NRXN3: variants seen among roughly 807,000 people sequenced by gnomAD.
The protein encoded by NRXN3 is neurexin 3.
NRXN3 carries 32 observed loss-of-function variants against 137.6 expected under a neutral mutation model. That is an observed-to-expected ratio of 0.23 (90% CI 0.18 to 0.31). The LOEUF (loss-of-function observed/expected upper bound fraction) is 0.31. NRXN3 is among the 10% of genes least tolerant of loss of function. The pLI, the probability that NRXN3 is intolerant of heterozygous loss-of-function variation, is 1.00. For missense variants in NRXN3, 1,574 were observed against 2,062.5 expected (o/e 0.76, Z 4.59); for synonymous variants, 798 against 784.5 (o/e 1.02, Z -0.29).
At chr14:79,290,696 T>C (rs942735946) in intron 15 of NRXN3, among the ~76,000 whole-genome samples, 7 of 150,776 alleles carry the variant, frequency 4.6e-5, no homozygotes, top group Non-Finnish European at 7.4e-5. Context: ...GCCACCACGC[T>C]GGTTGAAAAT....
At chr14:78,566,480 C>T (rs2096837356) in intron 4 of NRXN3, among the ~76,000 whole-genome samples, 1 of 151,724 alleles carries the variant, frequency 6.6e-6, no homozygotes, top group Non-Finnish European at 1.5e-5. Context: ...TGTGCTGGGG[C>T]TGGGTGGGCT....
chr14:79,117,335 T>A (rs570292754), intron 15 of NRXN3, among the ~76,000 whole-genome samples: 1 of 152,330 alleles, frequency 6.6e-6, no homozygotes, highest in African/African-American at 2.4e-5. Context: ...AAATAAGGTA[T>A]CACAGAAGGG....
intron 15 of NRXN3, among the ~76,000 whole-genome samples, chr14:79,061,929 A>G (rs12586394): frequency 0.33 from 50,100 of 152,040 alleles, 8,744 homozygotes; most frequent in Admixed American, 0.47. Context: ...CACCTTACCC[A>G]GAGACTCCAG....
intron 15 of NRXN3, among the ~76,000 whole-genome samples, chr14:78,995,970 T>C (rs1251424520): frequency 6.6e-6 from 1 of 152,166 alleles, no homozygotes; most frequent in African/African-American, 2.4e-5. Flanking sequence ...GGGCATCTTC[T>C]GTACTCTGGG....
At chr14:79,619,932 G>T (rs1056723997) in intron 16 of NRXN3, among the ~76,000 whole-genome samples, 1 of 152,050 alleles carries the variant, frequency 6.6e-6, no homozygotes, top group Non-Finnish European at 1.5e-5. Flanking sequence ...CTGACATGGG[G>T]ACCATTTGTT....
At chr14:79,087,740 C>T (rs1181054829) in intron 15 of NRXN3, among the ~76,000 whole-genome samples, 1 of 152,182 alleles carries the variant, frequency 6.6e-6, no homozygotes, top group African/African-American at 2.4e-5. Flanking sequence ...TCCCTCACAT[C>T]TTTACCGCAT....
At chr14:79,094,979 A>AGAGAGTGTGTGTGTGTGTGTGT (rs553957969) in intron 15 of NRXN3, among the ~76,000 whole-genome samples, 14 of 115,880 alleles carry the variant, frequency 1.2e-4, no homozygotes, top group African/African-American at 4.2e-4. Flanking sequence ...AGAGAGAGAG[A>AGAGAGTGTGTGTGTGTGTGTGT]GTGTGTGTGT....
At chr14:79,694,394 A>G (rs2098727286) in intron 18 of NRXN3, among the ~76,000 whole-genome samples, 1 of 151,978 alleles carries the variant, frequency 6.6e-6, no homozygotes, top group Admixed American at 6.6e-5. Flanking sequence ...AATGACTTCC[A>G]AGAGGATGGG....
At chr14:79,833,261 A>G (rs1326818789) in intron 20 of NRXN3, among the ~76,000 whole-genome samples, 1 of 152,146 alleles carries the variant, frequency 6.6e-6, no homozygotes, top group African/African-American at 2.4e-5. Context: ...CATGTTTTAC[A>G]TTGAAGGCAA....
chr14:79,340,572 T>G (rs538035907), intron 15 of NRXN3, among the ~76,000 whole-genome samples: 50 of 152,262 alleles, frequency 3.3e-4, no homozygotes, highest in African/African-American at 1.1e-3. Context: ...TTCAAGGGAT[T>G]CTCCTGCCTC....
At chr14:78,401,895 A>G (rs1253947247) in intron 4 of NRXN3, among the ~76,000 whole-genome samples, 1 of 152,232 alleles carries the variant, frequency 6.6e-6, no homozygotes, top group Non-Finnish European at 1.5e-5. Flanking sequence ...TAATGCCTTG[A>G]CTAGATCAAA....
chr14:78,672,932 T>C (rs1390890875), intron 6 of NRXN3, among the ~76,000 whole-genome samples: 1 of 152,202 alleles, frequency 6.6e-6, no homozygotes, highest in Non-Finnish European at 1.5e-5. Flanking sequence ...TTTGCTAGCT[T>C]TTAGTCCCTA....
At chr14:79,360,843 T>G (rs1271872174) in intron 15 of NRXN3, among the ~76,000 whole-genome samples, 1 of 152,222 alleles carries the variant, frequency 6.6e-6, no homozygotes, top group Non-Finnish European at 1.5e-5. Context: ...AGTGTCCTCA[T>G]TTATAAAATG....
At chr14:79,348,206 C>T (rs1366147974) in intron 15 of NRXN3, among the ~76,000 whole-genome samples, 1 of 151,948 alleles carries the variant, frequency 6.6e-6, no homozygotes, top group East Asian at 1.9e-4. Flanking sequence ...ATTTAGTTGA[C>T]GCTTATTCAA....
At chr14:78,347,321 A>G (rs2082879708) in intron 4 of NRXN3, among the ~76,000 whole-genome samples, 1 of 152,208 alleles carries the variant, frequency 6.6e-6, no homozygotes. Flanking sequence ...AATCTTACTT[A>G]TGATTTTTCG....
chr14:79,846,227 G>C (rs1464607598), intron 20 of NRXN3, among the ~76,000 whole-genome samples: 1 of 152,198 alleles, frequency 6.6e-6, no homozygotes, highest in Non-Finnish European at 1.5e-5. Context: ...TATTAAAAAT[G>C]TATCTGTGAA....
intron 4 of NRXN3, among the ~76,000 whole-genome samples, chr14:78,334,538 G>A (rs1235022375): frequency 1.3e-5 from 2 of 152,174 alleles, no homozygotes; most frequent in East Asian, 1.9e-4. Flanking sequence ...GGATGAACAC[G>A]TCAGAATCTC....
At position 78,595,908 on chromosome 14, in the gene NRXN3, C is replaced by T. The variant is rs76643458; in HGVS notation, c.758-49212C>T. ...CATATCATAATATCATGGGTTAAAC[C>T]AACAGCAATTTTAGACCCCAAGGGG... On this transcript the variant is annotated intron_variant, in intron 4 of 20. Coordinates refer to ENST00000335750, the MANE Select transcript of NRXN3 (RefSeq NM_001330195.2). Among the ~76,000 whole-genome samples, 133 of 152,216 alleles carry T rather than the reference C, an allele frequency of 8.7e-4. 1 individual carries two copies. In the East Asian group the frequency reaches 0.019, roughly 22 times the overall value.
intron 4 of NRXN3, among the ~76,000 whole-genome samples, chr14:78,402,160 A>C (rs1356230203): frequency 6.6e-6 from 1 of 152,174 alleles, no homozygotes; most frequent in Non-Finnish European, 1.5e-5. Context: ...AATGAGGAAA[A>C]TGGTACTTTC....
Sources: allele counts gnomAD v4.1 joint callset (sites outside exome capture counted in the v4.1 genomes callset), GRCh38; gene constraint gnomAD v4.1.1; transcripts MANE v1.5; gene names NCBI Gene and HGNC (gene_info 2026-07-23, HGNC 2026-07-21).